The following BRCA2 variants were observed in gnomAD, a reference collection of about 807,000 sequenced individuals.
BRCA2 encodes BRCA2 DNA repair associated.
A neutral mutation model predicts 276.7 loss-of-function variants in BRCA2; 203 were observed. The ratio of observed to expected loss-of-function variants is 0.73; its 90% confidence interval spans 0.65 to 0.82. BRCA2 has a LOEUF of 0.82. BRCA2 is among the 40% of genes least tolerant of loss of function. BRCA2 has a pLI of 0.00. For missense variants in BRCA2, 3,920 were observed against 3,915.0 expected (o/e 1.00, Z -0.03); for synonymous variants, 1,289 against 1,338.4 (o/e 0.96, Z 0.81).
At position 32,337,648 on chromosome 13, in the gene BRCA2, A is replaced by G; in HGVS notation, c.3293A>G (p.Asn1098Ser). 1 of 1,588,384 alleles carries G rather than the reference A, an allele frequency of 6.3e-7. No individual in the cohort carries two copies. Among genetic ancestry groups the G allele is most frequent in the African/African-American group, 1.4e-5 (1 of 73,680 alleles). Residue 1098 changes from asparagine to serine, a missense_variant, in exon 11 of 27, where the codon AAT becomes AGT. Asn to Ser is a conservative substitution (Grantham distance 46). Around this residue, in one of 2 missense-constraint regions of BRCA2, gnomAD observed 3,263 missense variants for 3,156.9 expected, o/e 1.03. Transcript: ENST00000380152. Reference sequence around the variant, plus strand: ...ATGTTATTTTCCAAGCAGGATTTTAATTCAAACCATAATTTAACACCTAGC... The same window carrying G: ...ATGTTATTTTCCAAGCAGGATTTTAGTTCAAACCATAATTTAACACCTAGC... ...PQMLFSKQDF[N>S]SNHNLTPSQK...
Position 32,356,572 on chromosome 13 carries a change from T to C in BRCA2, c.7580T>C (p.Val2527Ala), listed in dbSNP as rs587782676. The C allele has an allele frequency of 1.2e-6, 2 of 1,614,212 alleles. No individual in the cohort carries two copies. The highest frequency in any genetic ancestry group is 1.1e-5 in the South Asian group (1 of 91,086). ...CCTCGAATCTCTCTGAAAGCAGCAG[T>C]AGGAGGCCAAGTTCCCTCTGCGTGT... ...TLPRISLKAA[V>A]GGQVPSACSH... is the part of the protein sequence containing the mutation. Residue 2527 changes from valine (V) to alanine (A), a missense_variant, in exon 15 of 27, where the codon GTA becomes GCA. Physicochemically the swap from Val to Ala is moderately conservative, Grantham distance 64 (BLOSUM62 0). Around this residue, in one of 2 missense-constraint regions of BRCA2, gnomAD observed 3,263 missense variants for 3,156.9 expected, o/e 1.03. Coordinates refer to ENST00000380152, the MANE Select transcript of BRCA2 (RefSeq NM_000059.4).
At chr13:32,346,326 T>C (rs2072610450) in intron 12 of BRCA2, among the ~76,000 whole-genome samples, 1 of 152,064 alleles carries the variant, frequency 6.6e-6, no homozygotes, top group African/African-American at 2.4e-5. Context: ...TATTTGGAGA[T>C]GACTCCTTAA....
intron 24 of BRCA2, among the ~76,000 whole-genome samples, chr13:32,382,216 T>A (rs370990942): frequency 1.2e-4 from 18 of 152,246 alleles, no homozygotes; most frequent in African/African-American, 3.9e-4. Flanking sequence ...CCTCCCAAAG[T>A]GCTGGGATTA....
At chr13:32,356,368 C>T (rs2072694344) in intron 14 of BRCA2, 60 bp from the exon 15 acceptor site, 1 of 1,547,514 alleles carries the variant, frequency 6.5e-7, no homozygotes, top group Non-Finnish European at 8.9e-7. Flanking sequence ...CTGTGCCTGG[C>T]CAGGGGTTGT....
chr13:32,367,695 C>T (rs1034285002), intron 18 of BRCA2, among the ~76,000 whole-genome samples: 2 of 150,528 alleles, frequency 1.3e-5, no homozygotes, highest in South Asian at 2.1e-4. Flanking sequence ...CTTGAGAGGC[C>T]GTGGTGGGAG....
At chr13:32,372,892 C>T (rs2072844056) in intron 20 of BRCA2, among the ~76,000 whole-genome samples, 1 of 152,098 alleles carries the variant, frequency 6.6e-6, no homozygotes, top group Non-Finnish European at 1.5e-5. Context: ...AATGGGGGTA[C>T]AGGCATTGGG....
At chr13:32,344,466 T>C (rs2137536287) in intron 11 of BRCA2, 92 bp from the exon 12 acceptor site, 1 of 777,030 alleles carries the variant, frequency 1.3e-6, no homozygotes, top group Middle Eastern at 3.7e-4. Flanking sequence ...AAAGAGTCAA[T>C]ACTTTAGCTT....
chr13:32,377,890 T>C (rs2072884762), intron 21 of BRCA2, among the ~76,000 whole-genome samples: 1 of 152,294 alleles, frequency 6.6e-6, no homozygotes, highest in Non-Finnish European at 1.5e-5. Flanking sequence ...ATTTCTTAAA[T>C]AGTGGGACTA....
intron 24 of BRCA2, among the ~76,000 whole-genome samples, chr13:32,382,385 A>G (rs1371499241): frequency 6.6e-6 from 1 of 152,228 alleles, no homozygotes; most frequent in East Asian, 1.9e-4. Context: ...ATAAATGTAA[A>G]TATAGGAATC....
intron 20 of BRCA2, among the ~76,000 whole-genome samples, chr13:32,374,844 G>T (rs1317744570): frequency 7.2e-5 from 11 of 152,116 alleles, no homozygotes; most frequent in Non-Finnish European, 1.2e-4. Flanking sequence ...TCAGGTTATC[G>T]GTATAGCAGT....
In BRCA2 at chr13:32,332,596, A is replaced by G; in HGVS notation, c.1118A>G (p.Gln373Arg). Residue 373 changes from glutamine (Q) to arginine (R), a missense_variant, in exon 10 of 27, where the codon CAG becomes CGG. Around this residue, in one of 2 missense-constraint regions of BRCA2, gnomAD observed 3,263 missense variants for 3,156.9 expected, o/e 1.03. Transcript: ENST00000380152. ...TDPLDSNVAN[Q>R]KPFESGSDKI... ...CCATTAGATTCAAATGTAGCAAATC[A>G]GAAGCCCTTTGAGAGTGGAAGTGAC... The G allele has an allele frequency of 6.2e-7, 1 of 1,614,026 alleles. No individual in the cohort carries two copies. The highest frequency in any genetic ancestry group is 8.5e-7 in the Non-Finnish European group (1 of 1,179,948).
chr13:32,370,961 G>A lies in BRCA2; in HGVS notation c.8493G>A (p.Met2831Ile), dbSNP rs2137599752. Residue 2831 changes from methionine to isoleucine, a missense_variant, in exon 20 of 27, where the codon ATG (methionine) becomes ATA (isoleucine). Met to Ile is a conservative substitution (Grantham distance 10, BLOSUM62 1). This residue lies in a region of BRCA2 where 657 missense variants were observed against 758.2 expected (regional missense o/e 0.87). Coordinates refer to ENST00000380152, the MANE Select transcript of BRCA2 (RefSeq NM_000059.4). The part of the protein sequence containing the change: ...IIQRAYPIQW[M>I]EKTSSGLYIF... The stretch of plus-strand genomic sequence containing the variant: ...TGTGTAACACATTATTACAGTGGAT[G>A]GAGAAGACATCATCTGGATTATACA... 1.2e-6 allele frequency: 2 copies of A among 1,614,002 alleles called. No individual in the cohort carries two copies. The highest frequency in any genetic ancestry group is 1.7e-6 in the Non-Finnish European group (2 of 1,179,962).
At chr13:32,346,703 C>A in intron 12 of BRCA2, 124 bp from the exon 13 acceptor site, 2 of 657,046 alleles carry the variant, frequency 3.0e-6, no homozygotes, top group Non-Finnish European at 5.0e-6. Flanking sequence ...ATTTATTGAG[C>A]ATCTGTTACA....
intron 18 of BRCA2, among the ~76,000 whole-genome samples, chr13:32,364,562 C>CA (rs2072768250): frequency 6.6e-6 from 1 of 152,194 alleles, no homozygotes; most frequent in African/African-American, 2.4e-5. Flanking sequence ...AATCTGTATT[C>CA]AGTGTATACA....
intron 20 of BRCA2, among the ~76,000 whole-genome samples, chr13:32,372,332 T>A (rs962633663): frequency 6.6e-6 from 1 of 152,222 alleles, no homozygotes; most frequent in Non-Finnish European, 1.5e-5. Context: ...TGTATTAATC[T>A]GTTCCCACAC....
rs786202158 is a variant in BRCA2 at position 32,333,023 on chromosome 13, T to C, written c.1545T>C (p.Thr515=). The C allele has an allele frequency of 2.5e-6, 4 of 1,595,944 alleles. 1 individual carries two copies. The highest frequency in any genetic ancestry group is 3.4e-4 in the Middle Eastern group (2 of 5,932). Residue 515 remains threonine (T), a synonymous_variant, in exon 10 of 27, where the codon ACT becomes ACC. Coordinates refer to ENST00000380152, the MANE Select transcript of BRCA2 (RefSeq NM_000059.4). ...GAATAAGAGAATCACCTAAAGAGAC[T>C]TTCAATGCAAGTTTTTCAGGTCATA... ...IFRIRESPKE[T]FNASFSGHMT... is the part of the protein sequence containing the mutation.
intron 20 of BRCA2, among the ~76,000 whole-genome samples, chr13:32,374,312 C>A (rs1035042143): frequency 2.0e-5 from 3 of 152,246 alleles, no homozygotes; most frequent in African/African-American, 7.2e-5. Context: ...CAAACTTCTG[C>A]AGCTGGCTTG....
intron 24 of BRCA2, among the ~76,000 whole-genome samples, chr13:32,381,650 T>C (rs1312628967): frequency 6.6e-6 from 1 of 152,032 alleles, no homozygotes; most frequent in Non-Finnish European, 1.5e-5. Flanking sequence ...GTGGGGGTCC[T>C]TGTGTGGACT....
chr13:32,330,542 T>C lies in BRCA2; in HGVS notation c.682-377T>C, dbSNP rs919236755. 1.4e-4 allele frequency among the ~76,000 whole-genome samples: 22 copies of C among 152,318 alleles called. 1 individual carries two copies. Among genetic ancestry groups the C allele is most frequent in the African/African-American group, 5.3e-4 (22 of 41,574 alleles). On this transcript the variant is annotated intron_variant, in intron 8 of 26. Coordinates refer to ENST00000380152, the MANE Select transcript of BRCA2 (RefSeq NM_000059.4). The stretch of plus-strand genomic sequence containing the variant: ...AGCACTGTGGTACCACAATAGCCGA[T>C]CTGATAACCAAGACAACTACTAAGT...
Sources: allele counts gnomAD v4.1 joint callset (sites outside exome capture counted in the v4.1 genomes callset), GRCh38; gene constraint gnomAD v4.1.1; regional missense constraint gnomAD v4.1.1; transcripts MANE v1.5; gene names NCBI Gene and HGNC (gene_info 2026-07-23, HGNC 2026-07-21).